Variants in UBE3B observed in about 807,000 individuals in gnomAD.
UBE3B encodes ubiquitin protein ligase E3B.
Under a neutral mutation model 132.3 loss-of-function variants are expected in UBE3B, and 80 were observed. The ratio of observed to expected loss-of-function variants is 0.60; its 90% CI spans 0.50 to 0.73. The LOEUF is 0.73. UBE3B is among the 30% of genes least tolerant of loss of function. The pLI, the probability that UBE3B is intolerant of heterozygous loss-of-function variation, is 0.00. For missense variants in UBE3B, 1,196 were observed against 1,362.5 expected (o/e 0.88, Z 1.92); for synonymous variants, 487 against 520.4 (o/e 0.94, Z 0.87).
At chr12:109,501,277 G>A in intron 12 of UBE3B, 94 bp from the exon 13 acceptor site, 5 of 1,501,894 alleles carry the variant, frequency 3.3e-6, no homozygotes, top group Non-Finnish European at 9.1e-7. Flanking sequence ...CCTAGCTACA[G>A]CTCCGAGTGG....
In UBE3B at chr12:109,532,858, G is replaced by T. The variant is rs561434311; in HGVS notation, c.2923-608G>T. 3.3e-5 allele frequency among the ~76,000 whole-genome samples: 5 copies of T among 152,292 alleles called. No individual in the cohort carries two copies. In the East Asian group the frequency reaches 5.8e-4, roughly 18 times the overall value. On this transcript the variant is annotated intron_variant, in intron 26 of 27. Transcript: ENST00000342494. ...AGAGGTTATTAGTCTCTTGCACAGGGTCCCCCGGGGCCCCAGCACATAGAC... is the reference window on the plus strand; with the variant it reads ...AGAGGTTATTAGTCTCTTGCACAGGTTCCCCCGGGGCCCCAGCACATAGAC...
intron 8 of UBE3B, 78 bp downstream of exon 8, chr12:109,490,082 G>A (rs1401477977): frequency 1.4e-6 from 2 of 1,389,480 alleles, no homozygotes; most frequent in Non-Finnish European, 2.0e-6. Flanking sequence ...TTTGCATTCA[G>A]CATACCTGGT....
intron 14 of UBE3B, among the ~76,000 whole-genome samples, chr12:109,504,806 CTT>C (rs34032359): frequency 1.4e-4 from 20 of 142,038 alleles, no homozygotes; most frequent in Admixed American, 2.1e-4. Flanking sequence ...TTGTGTCCAG[CTT>C]TTTTTTTTTT....
At chr12:109,495,847 G>T (rs967310783) in intron 9 of UBE3B, among the ~76,000 whole-genome samples, 5 of 152,206 alleles carry the variant, frequency 3.3e-5, no homozygotes, top group Non-Finnish European at 7.3e-5. Flanking sequence ...GGTGGGCCAG[G>T]TGTTCCTTGC....
At chr12:109,506,550 C>G (rs975759942) in intron 14 of UBE3B, among the ~76,000 whole-genome samples, 3 of 152,160 alleles carry the variant, frequency 2.0e-5, no homozygotes, top group African/African-American at 7.2e-5. Flanking sequence ...TGTTTCTCAT[C>G]ATGTTGGCCA....
At chr12:109,537,917 G>A (rs966869029), downstream of UBE3B, among the ~76,000 whole-genome samples, 1 of 152,096 alleles carries the variant, frequency 6.6e-6, no homozygotes, top group Admixed American at 6.5e-5. Context: ...TGTTAGCCAG[G>A]ATGGTCTTGA....
In UBE3B at chr12:109,522,170, A is replaced by G. The variant is rs1202772074; in HGVS notation, c.2364+619A>G. On this transcript the variant is annotated intron_variant, in intron 21 of 27. Transcript: ENST00000342494. The surrounding 1 kb of genome is among the most constrained non-coding windows in gnomAD (Gnocchi z 4.2). The stretch of plus-strand genomic sequence containing the variant: ...AAGCCACATTCCTGGGTTGCCGTTA[A>G]TGGTAAGTGAGGAGGGCCTTCTACG... Among the ~76,000 whole-genome samples the G allele has an allele frequency of 6.6e-6, 1 of 152,162 alleles. No individual in the cohort carries two copies. Among genetic ancestry groups the G allele is most frequent in the Non-Finnish European group, 1.5e-5 (1 of 68,028 alleles).
At chr12:109,488,405 TA>T (rs1381092884) in intron 6 of UBE3B, among the ~76,000 whole-genome samples, 166 bp from the exon 7 acceptor site, 1 of 152,188 alleles carries the variant, frequency 6.6e-6, no homozygotes, top group South Asian at 2.1e-4. Context: ...CCCTGTTATT[TA>T]ACTCCTGGAG....
At chr12:109,507,801 G>T (rs1449059174) in intron 15 of UBE3B, 66 bp downstream of exon 15, 1 of 1,526,864 alleles carries the variant, frequency 6.5e-7, no homozygotes, top group Non-Finnish European at 8.9e-7. Context: ...TACAGTGTCA[G>T]TAAGGAAGTA....
At chr12:109,486,683 T>C (rs866712121) in intron 6 of UBE3B, 108 bp downstream of exon 6, 14 of 894,190 alleles carry the variant, frequency 1.6e-5, no homozygotes, top group South Asian at 7.3e-5. Flanking sequence ...CAACGAGAGT[T>C]GCTAGTTGAG....
At chr12:109,510,193 C>T in intron 16 of UBE3B, 151 bp from the exon 17 acceptor site, 1 of 638,668 alleles carries the variant, frequency 1.6e-6, no homozygotes, top group Non-Finnish European at 2.7e-6. Flanking sequence ...TAGCACTTAC[C>T]CAGGGTGCCT....
At chr12:109,498,504 T>C in intron 11 of UBE3B, 151 bp downstream of exon 11, 4 of 914,620 alleles carry the variant, frequency 4.4e-6, no homozygotes, top group Non-Finnish European at 6.5e-6. Context: ...ACAGTTAAAA[T>C]AGACATGTAA....
chr12:109,487,788 G>T (rs900879445), intron 6 of UBE3B, among the ~76,000 whole-genome samples: 10 of 152,212 alleles, frequency 6.6e-5, no homozygotes, highest in African/African-American at 2.4e-4. Flanking sequence ...ATTCAGTCCT[G>T]ATTCTGCTGT....
chr12:109,516,279 C>G (rs112567398), intron 18 of UBE3B, among the ~76,000 whole-genome samples: 7,761 of 142,690 alleles, frequency 0.054, 273 homozygotes, highest in Middle Eastern at 0.093. Flanking sequence ...TCAAGTGATT[C>G]TCCTGCCTCA....
Position 109,529,992 on chromosome 12 carries a change from G to C in UBE3B, c.2730G>C (p.Glu910Asp). ...GATTCCGTTCCATTATCAAACCCGAGTGGATCCGAATGTTCTCAACTCCTG... is the reference window on the plus strand; with the variant it reads ...GATTCCGTTCCATTATCAAACCCGACTGGATCCGAATGTTCTCAACTCCTG... ...ISGFRSIIKP[E>D]WIRMFSTPEL... Residue 910 changes from glutamate to aspartate, a missense_variant, in exon 25 of 28, where the codon GAG becomes GAC. Transcript: ENST00000342494. 1.9e-6 allele frequency: 3 copies of C among 1,614,028 alleles called. No homozygotes were observed. The highest frequency in any genetic ancestry group is 2.5e-6 in the Non-Finnish European group (3 of 1,180,028).
At chr12:109,547,427 C>T in the UBE3B span, among the ~76,000 whole-genome samples, 13 of 152,270 alleles carry the variant, frequency 8.5e-5, no homozygotes, top group African/African-American at 2.4e-4. This position sits in a 1 kb window ranked among gnomAD's most constrained non-coding sequence, Gnocchi z 4.1. Flanking sequence ...AACTCGATCA[C>T]GTCCTGGGTG....
chr12:109,478,266 C>T (rs547524613), intron 1 of UBE3B, among the ~76,000 whole-genome samples, 157 bp downstream of exon 1: 13 of 152,190 alleles, frequency 8.5e-5, no homozygotes, highest in Non-Finnish European at 1.3e-4. Flanking sequence ...GCTTAGCCCC[C>T]ACAGGCAATC....
chr12:109,479,289 A>G (rs370067670), intron 1 of UBE3B, among the ~76,000 whole-genome samples: 11 of 152,352 alleles, frequency 7.2e-5, no homozygotes, highest in East Asian at 3.9e-4. Flanking sequence ...TACATGCTAC[A>G]TGCTTTTAGA....
At position 109,521,543 on chromosome 12, in the gene UBE3B, G is replaced by T; in HGVS notation, c.2356G>T (p.Val786Leu). 6.3e-7 allele frequency: 1 copy of T among 1,582,242 alleles called. No individual in the cohort carries two copies. Among genetic ancestry groups the T allele is most frequent in the Non-Finnish European group, 8.6e-7 (1 of 1,165,172 alleles). ...TGTGGGGAAGATGCTGGGGAAGGCT[G>T]TGTATGAGGTAGGAACGTTAAGAAA... ...EFVGKMLGKA[V>L]YEGIVVDVPF... The change falls in exon 21 of 28, where the codon GTG becomes TTG. Residue 786 changes from valine to leucine, a missense_variant. Physicochemically the swap from Val to Leu is conservative, Grantham distance 32 (BLOSUM62 1). Coordinates refer to ENST00000342494, the MANE Select transcript of UBE3B (RefSeq NM_130466.4). This position sits in a 1 kb window ranked among gnomAD's most constrained non-coding sequence, Gnocchi z 4.2.
Sources: allele counts gnomAD v4.1 joint callset (sites outside exome capture counted in the v4.1 genomes callset), GRCh38; gene constraint gnomAD v4.1.1; non-coding constraint Gnocchi (gnomAD v3.1); transcripts MANE v1.5; gene names NCBI Gene and HGNC (gene_info 2026-07-23, HGNC 2026-07-21).